GARRE1: variants seen among roughly 807,000 people sequenced by gnomAD.
GARRE1 encodes granule associated Rac and RHOG effector protein 1.
GARRE1 carries 49 observed loss-of-function variants against 103.2 expected under a neutral mutation model. The ratio of observed to expected loss-of-function variants is 0.47; its 90% CI spans 0.38 to 0.60. The LOEUF (loss-of-function observed/expected upper bound fraction) is 0.60. GARRE1 is among the 20% of genes least tolerant of loss of function. The pLI is 0.00. For missense variants in GARRE1, 1,199 were observed against 1,370.5 expected, an observed-to-expected ratio of 0.87 and a Z score of 1.98; for synonymous variants, 505 against 532.8, an observed-to-expected ratio of 0.95 and a Z score of 0.72.
At chr19:34,321,223 ATTTTTTTT>A (rs71165648) in intron 3 of GARRE1, among the ~76,000 whole-genome samples, 25 of 77,384 alleles carry the variant, frequency 3.2e-4, no homozygotes, top group Non-Finnish European at 4.6e-4. Flanking sequence ...AGCCCGGCTA[ATTTTTTTT>A]TTTTTTTTTT....
At chr19:34,257,595 G>C (rs1432311905) in intron 1 of GARRE1, among the ~76,000 whole-genome samples, 1 of 152,152 alleles carries the variant, frequency 6.6e-6, no homozygotes, top group Non-Finnish European at 1.5e-5. Context: ...ATAAGGAATT[G>C]ATTTGTTTTG....
At position 34,347,948 on chromosome 19, in the gene GARRE1, C is replaced by T. The variant is rs2074219655; in HGVS notation, c.2593C>T (p.Gln865Ter). 1 of 1,592,008 alleles carries T rather than the reference C, an allele frequency of 6.3e-7. No homozygotes were observed. The change falls in exon 11 of 14, where the codon CAG (glutamine) becomes TAG (stop). Residue 865 changes from glutamine to a stop codon, truncating the protein, a stop_gained. Transcript: ENST00000299505. LOFTEE classifies it high-confidence loss of function. Reference sequence around the variant, plus strand: ...GGCGATGCAGCAGAAGCGGCAGGCCCAGCACGGTCGCCGGCCAGGCAACCC... The same window carrying T: ...GGCGATGCAGCAGAAGCGGCAGGCCTAGCACGGTCGCCGGCCAGGCAACCC... ...SQAMQQKRQA[Q>*]HGRRPGNPRG... is the part of the protein sequence containing the mutation.
intron 3 of GARRE1, among the ~76,000 whole-genome samples, chr19:34,324,555 G>A (rs2074103469): frequency 6.6e-6 from 1 of 150,550 alleles, no homozygotes; most frequent in African/African-American, 2.4e-5. Flanking sequence ...CCAGGCTGGA[G>A]TGCGGTAGTG....
At chr19:34,339,719 C>A in intron 8 of GARRE1, 148 bp from the exon 9 acceptor site, 1 of 869,432 alleles carries the variant, frequency 1.2e-6, no homozygotes, top group South Asian at 1.6e-5. Flanking sequence ...CAGGATCAGC[C>A]CTGTTGTTCT....
chr19:34,292,630 C>A (rs1359763888), intron 1 of GARRE1, among the ~76,000 whole-genome samples: 5 of 152,108 alleles, frequency 3.3e-5, no homozygotes, highest in Non-Finnish European at 7.4e-5. Flanking sequence ...GGCTGGAGCA[C>A]AGTGGCACGA....
intron 1 of GARRE1, among the ~76,000 whole-genome samples, chr19:34,273,603 G>A (rs1041310706): frequency 1.3e-5 from 2 of 152,130 alleles, no homozygotes; most frequent in African/African-American, 4.8e-5. Flanking sequence ...GGTCCTGGGG[G>A]TTGGAGGTGA....
At chr19:34,329,645 G>T (rs1028411209) in intron 6 of GARRE1, among the ~76,000 whole-genome samples, 1 of 152,130 alleles carries the variant, frequency 6.6e-6, no homozygotes, top group Non-Finnish European at 1.5e-5. Flanking sequence ...AGACCAGCCT[G>T]GGCAACATGG....
chr19:34,329,950 C>T (rs2074129825), intron 6 of GARRE1, among the ~76,000 whole-genome samples: 1 of 152,114 alleles, frequency 6.6e-6, no homozygotes, highest in Admixed American at 6.6e-5. Flanking sequence ...TGGTGGTGTG[C>T]ACCTACCTGT....
intron 1 of GARRE1, among the ~76,000 whole-genome samples, chr19:34,267,125 G>A (rs546777263): frequency 9.9e-5 from 15 of 152,264 alleles, no homozygotes; most frequent in African/African-American, 3.1e-4. Context: ...AATTACCCAG[G>A]CATGGTGGTG....
intron 1 of GARRE1, among the ~76,000 whole-genome samples, chr19:34,256,162 C>G (rs1167733784): frequency 1.3e-5 from 2 of 151,594 alleles, no homozygotes; most frequent in Non-Finnish European, 2.9e-5. Flanking sequence ...TTTAAGAATA[C>G]ATAGTATTTG....
intron 1 of GARRE1, among the ~76,000 whole-genome samples, chr19:34,292,612 G>A (rs1599758999): frequency 6.6e-6 from 1 of 152,004 alleles, no homozygotes; most frequent in African/African-American, 2.4e-5. Context: ...GTCTCACTCT[G>A]TTACCCAGGC....
intron 1 of GARRE1, among the ~76,000 whole-genome samples, chr19:34,296,883 A>G (rs538057579): frequency 6.6e-6 from 1 of 152,118 alleles, no homozygotes; most frequent in East Asian, 1.9e-4. Flanking sequence ...GGCTCAAGTG[A>G]TGTTCTCACC....
At chr19:34,320,334 G>C (rs1023901144) in intron 3 of GARRE1, among the ~76,000 whole-genome samples, 4 of 152,256 alleles carry the variant, frequency 2.6e-5, no homozygotes, top group African/African-American at 9.6e-5. Context: ...TCTACTCACA[G>C]CCTCCTGGGA....
At chr19:34,282,757 T>C (rs1160030166) in intron 1 of GARRE1, among the ~76,000 whole-genome samples, 1 of 152,200 alleles carries the variant, frequency 6.6e-6, no homozygotes, top group East Asian at 1.9e-4. Flanking sequence ...GTTGATTAAC[T>C]GGTTTCCCAC....
At position 34,330,242 on chromosome 19, in the gene GARRE1, C is replaced by G. The variant is rs2074131191; in HGVS notation, c.1158C>G (p.Ser386=). 6.2e-7 allele frequency: 1 copy of G among 1,614,078 alleles called. No individual in the cohort carries two copies. Among genetic ancestry groups the G allele is most frequent in the Non-Finnish European group, 8.5e-7 (1 of 1,179,974 alleles). Residue 386 remains serine, a synonymous_variant, in exon 7 of 14, where the codon TCC becomes TCG. Transcript: ENST00000299505. Reference sequence around the variant, plus strand: ...CAGGCTGCTATAATGGAATCACATCCAGGGATGATTTTCCTGTGACTGAAG... The same window carrying G: ...CAGGCTGCTATAATGGAATCACATCGAGGGATGATTTTCCTGTGACTGAAG... ...KEAGCYNGIT[S]RDDFPVTEVL... is the part of the protein sequence containing the mutation.
At position 34,355,075 on chromosome 19, in the gene GARRE1, G is replaced by A. The variant is rs1320681251; in HGVS notation, c.*2120G>A. On this transcript the variant is annotated 3_prime_UTR_variant, in exon 14 of 14. Coordinates refer to ENST00000299505, the MANE Select transcript of GARRE1 (RefSeq NM_014686.5). ...TATTTCCTTCAGTAATGTGTCCACA[G>A]TACCCTGTATTTCGAGTTCCATTAT... The A allele has an allele frequency of 1.3e-5, 2 of 152,604 alleles. No individual in the cohort carries two copies. The highest frequency in any genetic ancestry group is 2.9e-5 in the Non-Finnish European group (2 of 68,044). The allele number at this position is 152,604 out of a possible 1,614,324, so 9.5% of individuals were successfully genotyped here.
intron 10 of GARRE1, among the ~76,000 whole-genome samples, chr19:34,344,381 G>A (rs930067051): frequency 5.3e-5 from 8 of 152,016 alleles, no homozygotes; most frequent in African/African-American, 1.9e-4. Context: ...ACGAGGTCAG[G>A]AGATCGAGAC....
chr19:34,295,372 G>A (rs1352103843), intron 1 of GARRE1, among the ~76,000 whole-genome samples: 2 of 152,150 alleles, frequency 1.3e-5, no homozygotes, highest in African/African-American at 2.4e-5. Flanking sequence ...TCTGAAAAAG[G>A]TGATTCTATT....
intron 3 of GARRE1, among the ~76,000 whole-genome samples, chr19:34,325,778 C>T (rs547127465): frequency 6.6e-6 from 1 of 152,332 alleles, no homozygotes; most frequent in Non-Finnish European, 1.5e-5. Flanking sequence ...GGCCACCCTG[C>T]CCTCGCTCAC....
Sources: allele counts gnomAD v4.1 joint callset (sites outside exome capture counted in the v4.1 genomes callset), GRCh38; gene constraint gnomAD v4.1.1; transcripts MANE v1.5; gene names NCBI Gene and HGNC (gene_info 2026-07-23, HGNC 2026-07-21).